The following MYO1E variants were observed in gnomAD, a reference collection of about 807,000 sequenced individuals.
The protein encoded by MYO1E is unconventional myosin-Ie.
A neutral mutation model predicts 151.1 loss-of-function variants in MYO1E; 68 were observed. The ratio of observed to expected loss-of-function variants is 0.45; its 90% CI spans 0.37 to 0.55. MYO1E has a LOEUF of 0.55. Among genes scored for constraint, MYO1E ranks in the 20% least tolerant of loss-of-function variants. MYO1E has a pLI of 0.00. For synonymous variants in MYO1E, 601 were observed against 501.7 expected (o/e 1.20, Z -2.64); for missense variants, 1,363 against 1,389.3 (o/e 0.98, Z 0.30).
At chr15:59,240,805 A>G (rs2080095151) in intron 4 of MYO1E, among the ~76,000 whole-genome samples, 1 of 152,192 alleles carries the variant, frequency 6.6e-6, no homozygotes, top group African/African-American at 2.4e-5. Flanking sequence ...TTTGTGGTTT[A>G]AAAAGGACAA....
rs73424967 is a variant in MYO1E at position 59,272,103 on chromosome 15, G to C, written c.147+203C>G. 0.023 allele frequency: 13,172 copies of C among 572,462 alleles called. 1,219 individuals are homozygous for C. The highest frequency in any genetic ancestry group is 0.21 in the African/African-American group (11,028 of 53,378). 35.5% of individuals were successfully genotyped at this position (572,462 alleles called of 1,614,324 possible). A position where few individuals can be genotyped will look rare whatever the true frequency, so the allele number is the denominator to read the frequency against. ...TAGCTCTTCTCAAGCCAGGAATAAA[G>C]CCACAAGTTCAGTTTTTATTTTTAT... On this transcript the variant is annotated intron_variant, in intron 2 of 27. Coordinates refer to ENST00000288235, the MANE Select transcript of MYO1E (RefSeq NM_004998.4).
rs2080294182 is a variant in MYO1E, at chr15:59,272,456, A to G, written c.4-7T>C. 6.2e-7 allele frequency: 1 copy of G among 1,613,896 alleles called. No individual in the cohort carries two copies. The highest frequency in any genetic ancestry group is 8.5e-7 in the Non-Finnish European group (1 of 1,179,852). Reference sequence around the variant, plus strand: ...GGTAGACACCTTTGCTTCCCTGGGAACATAAAACATACAATTACTAGGATA... The same window carrying G: ...GGTAGACACCTTTGCTTCCCTGGGAGCATAAAACATACAATTACTAGGATA... On this transcript the variant is annotated splice_polypyrimidine_tract_variant and splice_region_variant and intron_variant, in intron 1 of 27. Coordinates refer to ENST00000288235, the MANE Select transcript of MYO1E (RefSeq NM_004998.4).
In MYO1E at chr15:59,135,573, G is replaced by T. The variant is rs757313226; in HGVS notation, c.*1807C>A. The T allele has an allele frequency of 6.6e-6, 1 of 152,184 alleles. No homozygotes were observed. The highest frequency in any genetic ancestry group is 1.9e-4 in the East Asian group (1 of 5,200). 9.4% of individuals were successfully genotyped at this position (152,184 alleles called of 1,614,324 possible). On this transcript the variant is annotated 3_prime_UTR_variant, in exon 28 of 28. Transcript: ENST00000288235. ...CATGGCTCTACTTTCCTCTCTGGTC[G>T]CAACATGGAACTGAAGTAGCCTTTT... is the stretch of plus-strand genomic sequence containing the variant.
intron 13 of MYO1E, 160 bp from the exon 14 acceptor site, chr15:59,209,008 A>C: frequency 1.2e-6 from 1 of 848,350 alleles, no homozygotes; most frequent in South Asian, 1.5e-5. Flanking sequence ...AATAGTCCCA[A>C]ATAGGGAGTC....
chr15:59,209,829 T>C (rs1303165057), intron 13 of MYO1E, among the ~76,000 whole-genome samples: 5 of 105,582 alleles, frequency 4.7e-5, no homozygotes, highest in African/African-American at 1.1e-4. Flanking sequence ...TTTTTTTTTT[T>C]TTTTTTTTTT....
chr15:59,272,356 T>A lies in MYO1E; in HGVS notation c.97A>T (p.Asn33Tyr). Residue 33 changes from asparagine to tyrosine, a missense_variant, in exon 2 of 28, where the codon AAC (asparagine) becomes TAC (tyrosine). Asn to Tyr is a moderately radical substitution (Grantham distance 143). Coordinates refer to ENST00000288235, the MANE Select transcript of MYO1E (RefSeq NM_004998.4). ...TTCTTCAGATTCTCCACGATGGAGTTCTCTGTGATCTTGGACAGTAGCACC... is the reference window on the plus strand; with the variant it reads ...TTCTTCAGATTCTCCACGATGGAGTACTCTGTGATCTTGGACAGTAGCACC... ...DMVLLSKITE[N>Y]SIVENLKKRY... is the part of the protein sequence containing the mutation. The A allele has an allele frequency of 1.2e-6, 2 of 1,614,114 alleles. No homozygotes were observed. The highest frequency in any genetic ancestry group is 8.5e-7 in the Non-Finnish European group (1 of 1,179,940).
intron 8 of MYO1E, 109 bp from the exon 9 acceptor site, chr15:59,223,300 C>T: frequency 1.6e-6 from 2 of 1,226,168 alleles, no homozygotes; most frequent in Middle Eastern, 2.2e-4. Context: ...GTGACAAGTA[C>T]AGACGAGTTA....
intron 1 of MYO1E, among the ~76,000 whole-genome samples, chr15:59,334,133 T>C (rs1408635506): frequency 6.6e-6 from 1 of 152,052 alleles, no homozygotes. Flanking sequence ...CTTTAAAAAT[T>C]AGCCTGGCAT....
At chr15:59,341,970 AT>A (rs1369109711) in intron 1 of MYO1E, among the ~76,000 whole-genome samples, 3 of 152,080 alleles carry the variant, frequency 2.0e-5, no homozygotes, top group Admixed American at 2.0e-4. Flanking sequence ...GGCTATACTC[AT>A]TTATATTTCC....
At chr15:59,215,843 G>C (rs1323175525) in intron 10 of MYO1E, among the ~76,000 whole-genome samples, 1 of 152,116 alleles carries the variant, frequency 6.6e-6, no homozygotes. Context: ...TCTGAACAAA[G>C]AGAAAAGAGA....
chr15:59,360,094 G>C (rs1202582303), intron 1 of MYO1E, among the ~76,000 whole-genome samples: 1 of 152,186 alleles, frequency 6.6e-6, no homozygotes, highest in Non-Finnish European at 1.5e-5. Flanking sequence ...GGCTGAAGTT[G>C]AGGGATTTGT....
intron 4 of MYO1E, among the ~76,000 whole-genome samples, chr15:59,241,190 T>C (rs1218359446): frequency 6.6e-6 from 1 of 152,180 alleles, no homozygotes; most frequent in Non-Finnish European, 1.5e-5. Flanking sequence ...AGGCAAAAAT[T>C]CTGTGGGGTA....
chr15:59,260,941 T>A (rs947213447), intron 3 of MYO1E, among the ~76,000 whole-genome samples: 8 of 152,140 alleles, frequency 5.3e-5, no homozygotes, highest in African/African-American at 1.9e-4. Flanking sequence ...AAGCAGATCA[T>A]TGGCCAGGCG....
rs200894401 is a variant in MYO1E, at chr15:59,272,465, A to G, written c.4-16T>C. ...CTTTGCTTCCCTGGGAACATAAAAC[A>G]TACAATTACTAGGATAGTTTGTTTT... On this transcript the variant is annotated splice_polypyrimidine_tract_variant and intron_variant, in intron 1 of 27. Transcript: ENST00000288235. 2.2e-4 allele frequency: 348 copies of G among 1,613,602 alleles called. No homozygotes were observed. The highest frequency in any genetic ancestry group is 2.8e-4 in the Non-Finnish European group (334 of 1,179,588).
At chr15:59,258,801 G>A (rs899897832) in intron 3 of MYO1E, among the ~76,000 whole-genome samples, 2 of 151,932 alleles carry the variant, frequency 1.3e-5, no homozygotes, top group Admixed American at 1.3e-4. Context: ...AGGTTCCTGT[G>A]AGCCAAGATC....
intron 17 of MYO1E, among the ~76,000 whole-genome samples, chr15:59,190,875 G>T (rs2079728740): frequency 6.6e-6 from 1 of 152,316 alleles, no homozygotes; most frequent in South Asian, 2.1e-4. Flanking sequence ...CAGGAGCACT[G>T]TGATGTGCCT....
chr15:59,199,492 T>C (rs570576902), intron 16 of MYO1E, among the ~76,000 whole-genome samples: 40 of 152,286 alleles, frequency 2.6e-4, no homozygotes, highest in African/African-American at 7.9e-4. Flanking sequence ...GAAATGCTCA[T>C]TGGAGCATTT....
In MYO1E at chr15:59,161,096, C is replaced by A. The variant is rs2079535588; in HGVS notation, c.2762G>T (p.Gly921Val). Residue 921 changes from glycine to valine, a missense_variant, in exon 24 of 28, where the codon GGA (glycine) becomes GTA (valine). Physicochemically the swap from Gly to Val is moderately radical, Grantham distance 109 (BLOSUM62 -3). Transcript: ENST00000288235. Reference protein sequence around the residue: ...PSNKVLQVSIGPGLPKNSRPT... With the variant: ...PSNKVLQVSIVPGLPKNSRPT... ...ACGGGAGTTCTTGGGCAGTCCAGGT[C>A]CGATGCTGACCTGCAGCACTTTGTT... 1.9e-6 allele frequency: 3 copies of A among 1,613,696 alleles called. No homozygotes were observed. Among genetic ancestry groups the A allele is most frequent in the Non-Finnish European group, 2.5e-6 (3 of 1,180,010 alleles).
intron 1 of MYO1E, among the ~76,000 whole-genome samples, chr15:59,288,864 CAGGCTAACCAAAATGGA>C (rs2080403233): frequency 1.3e-5 from 2 of 152,194 alleles, no homozygotes; most frequent in Admixed American, 6.5e-5. Context: ...GGGAGTTCAG[CAGGCTAACCAAAATGGA>C]AGCCAGTGAC....
Sources: gnomAD v4.1 joint callset for allele counts (sites outside exome capture counted in the v4.1 genomes callset) on GRCh38, gnomAD v4.1.1 for gene constraint, MANE v1.5 for transcripts, NCBI Gene and HGNC (gene_info 2026-07-23, HGNC 2026-07-21) for gene names.